Variants in PITPNC1 observed in about 807,000 individuals in gnomAD.
The protein encoded by PITPNC1 is phosphatidylinositol transfer protein cytoplasmic 1, also known as cytoplasmic phosphatidylinositol transfer protein 1.
A neutral mutation model predicts 44.7 loss-of-function variants in PITPNC1; 18 were observed. The observed-to-expected ratio is 0.40, with a 90% CI of 0.28 to 0.60. The LOEUF (loss-of-function observed/expected upper bound fraction) is 0.60. PITPNC1 is among the 20% of genes least tolerant of loss of function. The pLI is 0.39. For synonymous variants in PITPNC1, 141 were observed against 149.6 expected, an observed-to-expected ratio of 0.94 and a Z score of 0.42; for missense variants, 290 against 418.4, an observed-to-expected ratio of 0.69 and a Z score of 2.68.
At chr17:67,379,383 A>G (rs929479175) in intron 1 of PITPNC1, 1 of 985,308 alleles carries the variant, frequency 1.0e-6, no homozygotes, top group Non-Finnish European at 1.2e-6. Flanking sequence ...CATCTGGACC[A>G]AGGGTTAAGG....
intron 5 of PITPNC1, among the ~76,000 whole-genome samples, chr17:67,579,547 T>C (rs992473235): frequency 1.3e-5 from 2 of 151,834 alleles, no homozygotes; most frequent in Non-Finnish European, 2.9e-5. Flanking sequence ...CTGGCCAAAT[T>C]CATCAAAACC....
chr17:67,628,718 T>C (rs972906802), intron 5 of PITPNC1, among the ~76,000 whole-genome samples: 7 of 152,088 alleles, frequency 4.6e-5, no homozygotes, highest in Non-Finnish European at 2.9e-5. Flanking sequence ...ACGCTGCCAG[T>C]GCAAGGCCTG....
intron 8 of PITPNC1, among the ~76,000 whole-genome samples, chr17:67,690,340 C>T (rs887683628): frequency 6.6e-6 from 1 of 150,748 alleles, no homozygotes; most frequent in Non-Finnish European, 1.5e-5. Context: ...CCCAGCTACT[C>T]GGGAGGCTGA....
chr17:67,430,382 G>C (rs1184437219), intron 1 of PITPNC1, among the ~76,000 whole-genome samples: 1 of 152,052 alleles, frequency 6.6e-6, no homozygotes, highest in Non-Finnish European at 1.5e-5. Context: ...CAGCTACTTG[G>C]GAGGCTGAGG....
At chr17:67,660,204 C>T (rs1315762426) in intron 6 of PITPNC1, among the ~76,000 whole-genome samples, 1 of 152,128 alleles carries the variant, frequency 6.6e-6, no homozygotes, top group African/African-American at 2.4e-5. Flanking sequence ...TCCATCACCT[C>T]CAAAAGTTTC....
intron 5 of PITPNC1, among the ~76,000 whole-genome samples, chr17:67,602,266 T>C (rs1321939221): frequency 6.6e-6 from 1 of 152,190 alleles, no homozygotes; most frequent in Non-Finnish European, 1.5e-5. Context: ...TGAAGACTCT[T>C]GGGAATTGGA....
chr17:67,585,577 C>T lies in PITPNC1; in HGVS notation c.366+7320C>T, dbSNP rs181735317. On this transcript the variant is annotated intron_variant, in intron 5 of 8. Coordinates refer to ENST00000581322, the MANE Select transcript of PITPNC1 (RefSeq NM_012417.4). ...CAGCACTTTGGGAGGCTGAGGCGGGCGGATCGCTTAAGCTCAAGAGTTCAA... is the reference window on the plus strand; with the variant it reads ...CAGCACTTTGGGAGGCTGAGGCGGGTGGATCGCTTAAGCTCAAGAGTTCAA... Among the ~76,000 whole-genome samples the T allele has an allele frequency of 2.1e-3, 321 of 152,092 alleles. 2 individuals are homozygous for T. Among genetic ancestry groups the T allele is most frequent in the Non-Finnish European group, 3.3e-3 (225 of 67,972 alleles).
intron 1 of PITPNC1, among the ~76,000 whole-genome samples, chr17:67,419,216 A>G (rs1489218667): frequency 4.6e-5 from 7 of 152,118 alleles, no homozygotes; most frequent in Non-Finnish European, 2.9e-5. Context: ...AGGGGTTGGC[A>G]AAGAGTCAGG....
chr17:67,410,765 C>T (rs1253265899), intron 1 of PITPNC1, among the ~76,000 whole-genome samples: 5 of 151,986 alleles, frequency 3.3e-5, no homozygotes, highest in East Asian at 1.9e-4. Context: ...CTATTGCTCT[C>T]TTAACTAGGG....
chr17:67,663,509 A>G (rs1463483904), intron 6 of PITPNC1, among the ~76,000 whole-genome samples: 3 of 150,878 alleles, frequency 2.0e-5, no homozygotes, highest in African/African-American at 4.9e-5. Context: ...GGCGGAGCTT[A>G]CAGTGAGCCG....
At chr17:67,628,653 G>A (rs962089351) in intron 5 of PITPNC1, among the ~76,000 whole-genome samples, 1 of 152,228 alleles carries the variant, frequency 6.6e-6, no homozygotes, top group Admixed American at 6.5e-5. Flanking sequence ...GCCCTCTGGG[G>A]TGCAGGCCAG....
At chr17:67,442,424 T>C (rs1421003378) in intron 1 of PITPNC1, among the ~76,000 whole-genome samples, 4 of 150,972 alleles carry the variant, frequency 2.6e-5, no homozygotes, top group African/African-American at 9.7e-5. Flanking sequence ...GAGGGTGGGA[T>C]GGGCATTCTG....
chr17:67,541,003 G>A (rs886331279), intron 2 of PITPNC1, among the ~76,000 whole-genome samples: 1 of 152,124 alleles, frequency 6.6e-6, no homozygotes, highest in Non-Finnish European at 1.5e-5. Context: ...GATCACTTGA[G>A]GTCAGGAGTT....
intron 1 of PITPNC1, among the ~76,000 whole-genome samples, chr17:67,418,273 TG>T (rs1226759051): frequency 6.6e-6 from 1 of 152,222 alleles, no homozygotes; most frequent in Non-Finnish European, 1.5e-5. Context: ...CTTGTTCAAT[TG>T]GTCTGCTTAT....
intron 1 of PITPNC1, among the ~76,000 whole-genome samples, chr17:67,435,579 T>C (rs2038926281): frequency 6.6e-6 from 1 of 152,158 alleles, no homozygotes; most frequent in Admixed American, 6.5e-5. Flanking sequence ...TCAGGCCAGG[T>C]GCGGTGGCCT....
intron 1 of PITPNC1, among the ~76,000 whole-genome samples, chr17:67,425,112 A>G (rs1271725203): frequency 6.6e-6 from 1 of 151,854 alleles, no homozygotes; most frequent in African/African-American, 2.4e-5. Flanking sequence ...AGAACTAATG[A>G]TAATCCACCA....
In PITPNC1 at chr17:67,406,485, G is replaced by A. The variant is rs375278935; in HGVS notation, c.48+28283G>A. Among the ~76,000 whole-genome samples, 92 of 152,106 alleles carry A rather than the reference G, an allele frequency of 6.0e-4. 1 individual carries two copies. The highest frequency in any genetic ancestry group is 2.1e-3 in the African/African-American group (89 of 41,484). ...CACACAATGTATGGCCTTCATGTTT[G>A]GCTTCTTTTGCTTAGCATAATGTTT... is the stretch of plus-strand genomic sequence containing the variant. On this transcript the variant is annotated intron_variant, in intron 1 of 8. Coordinates refer to ENST00000581322, the MANE Select transcript of PITPNC1 (RefSeq NM_012417.4).
chr17:67,546,963 C>G (rs1229465632), intron 2 of PITPNC1, among the ~76,000 whole-genome samples: 1 of 152,198 alleles, frequency 6.6e-6, no homozygotes, highest in African/African-American at 2.4e-5. Flanking sequence ...CCAGAAATCA[C>G]TGCACATAGA....
intron 5 of PITPNC1, among the ~76,000 whole-genome samples, chr17:67,622,093 T>C (rs1183588032): frequency 6.6e-6 from 1 of 151,966 alleles, no homozygotes; most frequent in Non-Finnish European, 1.5e-5. Context: ...CCGTCTCTAC[T>C]AAAAATACAA....
Sources: allele counts gnomAD v4.1 joint callset (sites outside exome capture counted in the v4.1 genomes callset), GRCh38; gene constraint gnomAD v4.1.1; transcripts MANE v1.5; gene names NCBI Gene and HGNC (gene_info 2026-07-23, HGNC 2026-07-21).